The following SLC28A3 variants were observed in gnomAD, a reference collection of about 807,000 sequenced individuals.
The protein encoded by SLC28A3 is concentrative Na(+)-nucleoside cotransporter 3.
Under a neutral mutation model 84.2 loss-of-function variants are expected in SLC28A3, and 68 were observed. The ratio of observed to expected loss-of-function variants is 0.81; its 90% confidence interval spans 0.66 to 0.99. The LOEUF is 0.99. SLC28A3 is among the 50% of genes least tolerant of loss of function. The pLI, the probability that SLC28A3 is intolerant of heterozygous loss-of-function variation, is 0.00. For synonymous variants in SLC28A3, 267 were observed against 303.6 expected (o/e 0.88, Z 1.25); for missense variants, 712 against 841.5 (o/e 0.85, Z 1.90).
the SLC28A3 span, among the ~76,000 whole-genome samples, chr9:84,362,067 C>T: frequency 6.6e-6 from 1 of 152,096 alleles, no homozygotes; most frequent in Non-Finnish European, 1.5e-5. Flanking sequence ...CAGGACAACC[C>T]GACTTATTAG....
At chr9:84,319,639 A>G (rs1304159308) in intron 1 of SLC28A3, among the ~76,000 whole-genome samples, 1 of 152,042 alleles carries the variant, frequency 6.6e-6, no homozygotes, top group Non-Finnish European at 1.5e-5. Flanking sequence ...TGTGTTGATC[A>G]TTTGTGTTTA....
chr9:84,353,102 A>G, the SLC28A3 span, among the ~76,000 whole-genome samples: 6 of 152,158 alleles, frequency 3.9e-5, no homozygotes, highest in Non-Finnish European at 8.8e-5. Context: ...CTGAGTAATT[A>G]TTAGTGACAT....
rs1825549923 is a variant in SLC28A3 at position 84,299,656 on chromosome 9, T to G, written c.594A>C (p.Gln198His). The G allele has an allele frequency of 6.2e-7, 1 of 1,613,568 alleles. No individual in the cohort carries two copies. The highest frequency in any genetic ancestry group is 1.3e-5 in the African/African-American group (1 of 74,888). The part of the protein sequence containing the change: ...WLAFDTAKLG[Q>H]QQLVSFGGLI... ...GCCCACCGAAGGACACCAGCTGCTG[T>G]TGACCCAATTTGGCAGTGTCAAAGG... is the stretch of plus-strand genomic sequence containing the variant. Residue 198 changes from glutamine (Q) to histidine (H), a missense_variant, in exon 6 of 18, where the codon CAA becomes CAC. By Grantham distance (24) the Gln-to-His change is conservative. Transcript: ENST00000376238.
intron 2 of SLC28A3, among the ~76,000 whole-genome samples, chr9:84,312,964 C>T (rs1369929912): frequency 1.3e-5 from 2 of 152,184 alleles, no homozygotes; most frequent in East Asian, 1.9e-4. Flanking sequence ...AAGAGTCCCT[C>T]GGACTGGTAT....
intron 1 of SLC28A3, among the ~76,000 whole-genome samples, chr9:84,320,669 G>A (rs11140523): frequency 0.11 from 16,083 of 152,130 alleles, 893 homozygotes; most frequent in Admixed American, 0.13. Flanking sequence ...GATTGCATAT[G>A]TGGTCCCTAT....
chr9:84,287,801 C>A (rs1430282257), intron 12 of SLC28A3, among the ~76,000 whole-genome samples: 2 of 152,126 alleles, frequency 1.3e-5, no homozygotes, highest in Non-Finnish European at 2.9e-5. Flanking sequence ...CTGCAGTGAG[C>A]TGTGTTCATA....
rs371233248 is a variant in SLC28A3 at position 84,302,263 on chromosome 9, C to T, written c.461G>A (p.Arg154Gln). Residue 154 changes from arginine (R) to glutamine (Q), a missense_variant, in exon 5 of 18, where the codon CGA becomes CAA. By Grantham distance (43) the Arg-to-Gln change is conservative (BLOSUM62 1). Transcript: ENST00000376238. ...WDHLMAKYEH[R>Q]IDEMLSPGRR... ...GCCAGGAGACAGCATCTCATCAATT[C>T]GATGTTCGTATTTGGCCATCAGGTG... 7.4e-6 allele frequency: 12 copies of T among 1,613,980 alleles called. No homozygotes were observed. The highest frequency in any genetic ancestry group is 6.7e-5 in the Admixed American group (4 of 59,990).
At chr9:84,308,418 T>G (rs1374123495) in intron 3 of SLC28A3, among the ~76,000 whole-genome samples, 2 of 151,870 alleles carry the variant, frequency 1.3e-5, no homozygotes, top group African/African-American at 4.8e-5. Context: ...CGATGGTGCA[T>G]GCCTGTAATC....
intron 3 of SLC28A3, 99 bp downstream of exon 3, chr9:84,309,530 A>AAG: frequency 1.5e-6 from 1 of 646,014 alleles, no homozygotes; most frequent in Non-Finnish European, 2.3e-6. Flanking sequence ...TCTCAAAAAA[A>AAG]AAAAAAAAAA....
chr9:84,280,128 T>C (rs1824687095), intron 15 of SLC28A3, 55 bp from the exon 16 acceptor site: 3 of 1,532,804 alleles, frequency 2.0e-6, no homozygotes, highest in Non-Finnish European at 2.7e-6. Flanking sequence ...TGATTAAAAC[T>C]CTTAGCCTCT....
At chr9:84,351,643 G>A in the SLC28A3 span, among the ~76,000 whole-genome samples, 8 of 150,450 alleles carry the variant, frequency 5.3e-5, no homozygotes, top group African/African-American at 2.0e-4. Context: ...CTGGATGACA[G>A]AGTGAGACTC....
At position 84,302,415 on chromosome 9, in the gene SLC28A3, T is replaced by C. The variant is rs369666529; in HGVS notation, c.335-26A>G. The stretch of plus-strand genomic sequence containing the variant: ...CTGTCCAGGAAGCAAAAACAGACAC[T>C]GAACATCACTAACCACTGGGACACG... On this transcript the variant is annotated intron_variant, in intron 4 of 17. Coordinates refer to ENST00000376238, the MANE Select transcript of SLC28A3 (RefSeq NM_001199633.2). The C allele has an allele frequency of 2.0e-4, 325 of 1,605,856 alleles. 1 individual carries two copies. In the Middle Eastern group the frequency reaches 3.6e-3, roughly 18 times the overall value.
chr9:84,327,397 G>T (rs1031423444), intron 1 of SLC28A3, among the ~76,000 whole-genome samples: 1 of 148,146 alleles, frequency 6.8e-6, no homozygotes, highest in African/African-American at 2.5e-5. Flanking sequence ...GCAATCCAGA[G>T]AATGCTTTTC....
At chr9:84,364,283 G>A in the SLC28A3 span, among the ~76,000 whole-genome samples, 1 of 151,992 alleles carries the variant, frequency 6.6e-6, no homozygotes. Flanking sequence ...TTGATGCCCG[G>A]CTAATTTTTG....
rs1825971660 is a variant in SLC28A3, at chr9:84,311,009, C to T, written c.157-1295G>A. ...TGTTTTAAAAACAACAACTACAAAT[C>T]TCCCTTGACTCCCACAATCATGGGA... On this transcript the variant is annotated intron_variant, in intron 2 of 17. Coordinates refer to ENST00000376238, the MANE Select transcript of SLC28A3 (RefSeq NM_001199633.2). Among the ~76,000 whole-genome samples the T allele has an allele frequency of 3.3e-5, 5 of 152,150 alleles. 1 individual carries two copies. In the South Asian group the frequency reaches 1.0e-3, roughly 32 times the overall value.
At chr9:84,349,934 A>G in the SLC28A3 span, among the ~76,000 whole-genome samples, 3 of 152,188 alleles carry the variant, frequency 2.0e-5, no homozygotes, top group African/African-American at 7.2e-5. Context: ...ATGAGTCCTT[A>G]GGCAGTTTTT....
intron 11 of SLC28A3, among the ~76,000 whole-genome samples, chr9:84,288,469 G>A (rs1022594662): frequency 2.0e-5 from 3 of 152,104 alleles, no homozygotes; most frequent in African/African-American, 7.2e-5. Flanking sequence ...ATCCTGTGTT[G>A]TGGAAACTTT....
At chr9:84,335,281 G>A (rs1324080149) in intron 1 of SLC28A3, among the ~76,000 whole-genome samples, 2 of 152,132 alleles carry the variant, frequency 1.3e-5, no homozygotes, top group African/African-American at 2.4e-5. Flanking sequence ...GGGTGAGGTG[G>A]CTCACACCTG....
chr9:84,315,026 G>C (rs1316738523), intron 1 of SLC28A3, among the ~76,000 whole-genome samples: 1 of 152,144 alleles, frequency 6.6e-6, no homozygotes, highest in Non-Finnish European at 1.5e-5. Context: ...GCAGTGAGCT[G>C]AGATCACACC....
Sources: gnomAD v4.1 joint callset for allele counts (sites outside exome capture counted in the v4.1 genomes callset) on GRCh38, gnomAD v4.1.1 for gene constraint, MANE v1.5 for transcripts, NCBI Gene and HGNC (gene_info 2026-07-23, HGNC 2026-07-21) for gene names.